DLG1: variants seen among roughly 807,000 people sequenced by gnomAD.
The protein encoded by DLG1 is disks large homolog 1.
DLG1 carries 42 observed loss-of-function variants against 123.4 expected under a neutral mutation model. The ratio of observed to expected loss-of-function variants is 0.34; its 90% CI spans 0.27 to 0.44. The LOEUF is 0.44. DLG1 is among the 20% of genes least tolerant of loss of function. DLG1 has a pLI of 1.00. For synonymous variants in DLG1, 317 were observed against 356.2 expected (o/e 0.89, Z 1.24); for missense variants, 942 against 1,082.6 (o/e 0.87, Z 1.82).
At chr3:197,294,910 T>C (rs1406069642) in intron 3 of DLG1, among the ~76,000 whole-genome samples, 2 of 151,990 alleles carry the variant, frequency 1.3e-5, no homozygotes, top group African/African-American at 4.8e-5. Flanking sequence ...TATACATATA[T>C]GTATATATAT....
chr3:197,189,048 T>TTA (rs1030022119), intron 5 of DLG1, among the ~76,000 whole-genome samples: 1 of 152,224 alleles, frequency 6.6e-6, no homozygotes, highest in Non-Finnish European at 1.5e-5. Flanking sequence ...CGAAACAGTC[T>TTA]TAATCATTCT....
At chr3:197,084,321 T>G (rs1752908882) in intron 16 of DLG1, among the ~76,000 whole-genome samples, 1 of 151,868 alleles carries the variant, frequency 6.6e-6, no homozygotes, top group African/African-American at 2.4e-5. Context: ...TTGTTGTTTT[T>G]TTTTTTTTGA....
intron 5 of DLG1, among the ~76,000 whole-genome samples, chr3:197,159,290 A>G (rs916142597): frequency 6.6e-6 from 1 of 152,236 alleles, no homozygotes; most frequent in African/African-American, 2.4e-5. Flanking sequence ...TCAATGTGAA[A>G]GTACTCTGAA....
intron 15 of DLG1, among the ~76,000 whole-genome samples, chr3:197,087,023 G>A (rs1227585348): frequency 6.6e-6 from 1 of 152,116 alleles, no homozygotes; most frequent in Non-Finnish European, 1.5e-5. Flanking sequence ...TGGAATACAT[G>A]TGAGTTATTA....
chr3:197,183,839 G>A (rs1403086258), intron 5 of DLG1: 7 of 1,540,096 alleles, frequency 4.5e-6, no homozygotes. Context: ...TTGCCAAGCA[G>A]GCTTACTTCT....
intron 4 of DLG1, among the ~76,000 whole-genome samples, chr3:197,257,568 G>A (rs2150927014): frequency 6.6e-6 from 1 of 152,238 alleles, no homozygotes; most frequent in East Asian, 1.9e-4. Context: ...ATGGGTAAAA[G>A]CATCTTTCAA....
intron 5 of DLG1, among the ~76,000 whole-genome samples, chr3:197,157,942 C>T (rs1306024542): frequency 6.6e-6 from 1 of 152,134 alleles, no homozygotes; most frequent in Non-Finnish European, 1.5e-5. Context: ...AAACTTAAAA[C>T]TGTTAGAAGA....
At chr3:197,119,136 A>G (rs1774921588) in intron 12 of DLG1, among the ~76,000 whole-genome samples, 1 of 152,198 alleles carries the variant, frequency 6.6e-6, no homozygotes, top group Non-Finnish European at 1.5e-5. Flanking sequence ...TTCTTAACTT[A>G]GTTTTACTAA....
chr3:197,134,869 T>C (rs1784355023), intron 10 of DLG1, among the ~76,000 whole-genome samples: 1 of 152,152 alleles, frequency 6.6e-6, no homozygotes, highest in Non-Finnish European at 1.5e-5. Context: ...GGTAACACAA[T>C]CCAAAAGCTT....
chr3:197,107,320 A>G (rs1484589612), intron 13 of DLG1, among the ~76,000 whole-genome samples: 9 of 152,124 alleles, frequency 5.9e-5, no homozygotes, highest in Admixed American at 2.0e-4. Context: ...CAAGGCAGGC[A>G]GATCACGAGG....
chr3:197,142,626 T>A, intron 7 of DLG1, 92 bp downstream of exon 7: 1 of 922,964 alleles, frequency 1.1e-6, no homozygotes, highest in African/African-American at 1.7e-5. Flanking sequence ...ATCATATAGT[T>A]CTGTTTTTGA....
intron 4 of DLG1, among the ~76,000 whole-genome samples, chr3:197,219,340 A>G (rs1578230862): frequency 6.6e-6 from 1 of 152,234 alleles, no homozygotes; most frequent in African/African-American, 2.4e-5. Context: ...GAATATTCTT[A>G]AACCACATCA....
intron 4 of DLG1, among the ~76,000 whole-genome samples, chr3:197,257,996 T>C (rs1365587982): frequency 6.6e-6 from 1 of 152,164 alleles, no homozygotes; most frequent in Non-Finnish European, 1.5e-5. Context: ...AAATCTCTCT[T>C]AGACATTATG....
intron 4 of DLG1, among the ~76,000 whole-genome samples, chr3:197,250,825 C>G (rs1754028691): frequency 6.6e-6 from 1 of 151,304 alleles, no homozygotes; most frequent in South Asian, 2.1e-4. Context: ...GAAACCCTGT[C>G]TCTACCAAAA....
At chr3:197,280,501 G>C (rs1443985028) in intron 4 of DLG1, among the ~76,000 whole-genome samples, 1 of 152,140 alleles carries the variant, frequency 6.6e-6, no homozygotes, top group African/African-American at 2.4e-5. Flanking sequence ...CTCTTGGACA[G>C]ATACCCACTA....
At chr3:197,061,993 T>G (rs1331599769) in intron 22 of DLG1, among the ~76,000 whole-genome samples, 1 of 152,198 alleles carries the variant, frequency 6.6e-6, no homozygotes, top group Non-Finnish European at 1.5e-5. Flanking sequence ...ATTACCACCA[T>G]GCGGTTTTCA....
chr3:197,076,641 T>A lies in DLG1; in HGVS notation c.1950A>T (p.Lys650Asn). Reference protein sequence around the residue: ...DKRKKNLFSRKFPFYKNKDQS... With the variant: ...DKRKKNLFSRNFPFYKNKDQS... Reference sequence around the variant, plus strand: ...GGTCCTTGTTCTTGTAGAAGGGGAATTTTCGGGAAAAGAGGTTCTTTTTAC... The same window carrying A: ...GGTCCTTGTTCTTGTAGAAGGGGAAATTTCGGGAAAAGAGGTTCTTTTTAC... The change falls in exon 18 of 25, where the codon AAA becomes AAT. Residue 650 changes from lysine (K) to asparagine (N), a missense_variant. By Grantham distance (94) the Lys-to-Asn change is moderately conservative (BLOSUM62 0). Coordinates refer to ENST00000667157, the MANE Select transcript of DLG1 (RefSeq NM_001366207.1). 1 of 1,613,072 alleles carries A rather than the reference T, an allele frequency of 6.2e-7. No homozygotes were observed. Among genetic ancestry groups the A allele is most frequent in the Non-Finnish European group, 8.5e-7 (1 of 1,179,348 alleles).
chr3:197,084,766 T>TTATATA (rs1417158106), intron 16 of DLG1, among the ~76,000 whole-genome samples: 21 of 151,710 alleles, frequency 1.4e-4, no homozygotes, highest in African/African-American at 4.8e-4. Context: ...TGTGTATATT[T>TTATATA]TATATATATA....
At chr3:197,141,345 T>C (rs527724719) in intron 7 of DLG1, among the ~76,000 whole-genome samples, 2 of 152,256 alleles carry the variant, frequency 1.3e-5, no homozygotes, top group East Asian at 3.9e-4. Flanking sequence ...AAAAGGAATT[T>C]AAAAGGCCCT....
Sources: allele counts gnomAD v4.1 joint callset (sites outside exome capture counted in the v4.1 genomes callset), GRCh38; gene constraint gnomAD v4.1.1; transcripts MANE v1.5; gene names NCBI Gene and HGNC (gene_info 2026-07-23, HGNC 2026-07-21).